The following CTNND2 variants were observed in gnomAD, a reference collection of about 807,000 sequenced individuals.
The protein encoded by CTNND2 is catenin delta 2.
A neutral mutation model predicts 144.4 loss-of-function variants in CTNND2; 22 were observed. The observed-to-expected ratio is 0.15, with a 90% confidence interval of 0.11 to 0.22. The LOEUF is 0.22. Ranked by LOEUF, CTNND2 falls within the 10% of genes least tolerant of loss-of-function variation. The probability of loss-of-function intolerance (pLI) is 1.00; values close to 1 mark genes in which losing one functional copy is unlikely to be tolerated. For synonymous variants in CTNND2, 751 were observed against 695.6 expected (o/e 1.08, Z -1.25); for missense variants, 1,353 against 1,618.8 (o/e 0.84, Z 2.82).
At chr5:11,213,402 T>C (rs1306150684) in intron 10 of CTNND2, among the ~76,000 whole-genome samples, 5 of 152,170 alleles carry the variant, frequency 3.3e-5, no homozygotes, top group Non-Finnish European at 7.3e-5. Flanking sequence ...GTCAACCTTA[T>C]TTTTTCACAT....
At chr5:11,240,575 AACAC>A (rs1435312799) in intron 9 of CTNND2, among the ~76,000 whole-genome samples, 1 of 117,806 alleles carries the variant, frequency 8.5e-6, no homozygotes, top group East Asian at 2.7e-4. Flanking sequence ...ACACACACCC[AACAC>A]ACACATACTC....
intron 1 of CTNND2, among the ~76,000 whole-genome samples, chr5:11,823,465 A>G (rs564573258): frequency 1.3e-5 from 2 of 152,302 alleles, no homozygotes; most frequent in East Asian, 3.9e-4. Flanking sequence ...TGTTACAAAA[A>G]CACACTGGTG....
At chr5:11,315,788 T>TTCCTTA (rs1450172523) in intron 9 of CTNND2, among the ~76,000 whole-genome samples, 3 of 152,206 alleles carry the variant, frequency 2.0e-5, no homozygotes, top group Non-Finnish European at 4.4e-5. Flanking sequence ...ATGGCTACAA[T>TTCCTTA]TCTTTATCTT....
chr5:11,877,903 T>C (rs1735681008), intron 1 of CTNND2, among the ~76,000 whole-genome samples: 2 of 152,176 alleles, frequency 1.3e-5, no homozygotes, highest in Admixed American at 1.3e-4. Context: ...CATTAAACTA[T>C]ATATAAATCC....
intron 1 of CTNND2, among the ~76,000 whole-genome samples, chr5:11,886,440 G>A (rs1192472987): frequency 3.3e-5 from 5 of 151,998 alleles, no homozygotes; most frequent in East Asian, 3.9e-4. Context: ...ATTGGAAAAC[G>A]TAAAAGAAAT....
At chr5:11,146,721 C>T (rs544147603) in intron 12 of CTNND2, among the ~76,000 whole-genome samples, 16 of 152,206 alleles carry the variant, frequency 1.1e-4, no homozygotes, top group African/African-American at 3.1e-4. Flanking sequence ...ATGAGCACAT[C>T]GTGAGGACAA....
At chr5:11,418,811 T>C (rs1421592490) in intron 3 of CTNND2, among the ~76,000 whole-genome samples, 2 of 152,144 alleles carry the variant, frequency 1.3e-5, no homozygotes, top group Admixed American at 1.3e-4. Context: ...ATGGAATAAA[T>C]ACTATTTGGC....
At chr5:11,867,702 T>A (rs919727316) in intron 1 of CTNND2, among the ~76,000 whole-genome samples, 3 of 152,088 alleles carry the variant, frequency 2.0e-5, no homozygotes, top group Non-Finnish European at 4.4e-5. Context: ...TCTCAACTAG[T>A]CAAAGACACT....
chr5:11,088,375 C>A (rs942715855), intron 15 of CTNND2, among the ~76,000 whole-genome samples: 1 of 152,194 alleles, frequency 6.6e-6, no homozygotes, highest in African/African-American at 2.4e-5. Context: ...GAGGTGCAGG[C>A]TCTGAGCCAC....
intron 3 of CTNND2, among the ~76,000 whole-genome samples, chr5:11,534,348 GCT>G (rs1343683525): frequency 6.6e-6 from 1 of 151,818 alleles, no homozygotes; most frequent in African/African-American, 2.4e-5. Context: ...GGTGACAGTG[GCT>G]CACACCTGTA....
intron 1 of CTNND2, among the ~76,000 whole-genome samples, chr5:11,828,009 CT>C (rs1793690024): frequency 6.6e-6 from 1 of 152,140 alleles, no homozygotes; most frequent in Non-Finnish European, 1.5e-5. Context: ...GCCAAGATGG[CT>C]GACTACATGC....
At chr5:10,996,284 G>C (rs981430392) in intron 18 of CTNND2, among the ~76,000 whole-genome samples, 3 of 152,186 alleles carry the variant, frequency 2.0e-5, no homozygotes, top group African/African-American at 4.8e-5. Context: ...ACGATATGGA[G>C]AGTGTATATT....
chr5:11,518,078 C>T (rs1434372102), intron 3 of CTNND2, among the ~76,000 whole-genome samples: 4 of 152,074 alleles, frequency 2.6e-5, no homozygotes, highest in East Asian at 1.9e-4. Context: ...TACAGTCACA[C>T]GACGTCACAT....
chr5:11,768,106 T>C (rs904542159), intron 1 of CTNND2, among the ~76,000 whole-genome samples: 1 of 152,156 alleles, frequency 6.6e-6, no homozygotes, highest in African/African-American at 2.4e-5. Context: ...GAAAAAGCTC[T>C]TACATGCATC....
At position 11,707,085 on chromosome 5, in the gene CTNND2, C is replaced by CA. The variant is rs372658494; in HGVS notation, c.174+25050dup. 4.1e-3 allele frequency among the ~76,000 whole-genome samples: 425 copies of CA among 103,020 alleles called. 3 individuals carry two copies. The highest frequency in any genetic ancestry group is 0.041 in the East Asian group (144 of 3,536). 67.6% of individuals were successfully genotyped at this position (103,020 alleles called of 152,430 possible). On this transcript the variant is annotated intron_variant, in intron 2 of 21. Transcript: ENST00000304623. Reference sequence around the variant, plus strand: ...TGGGAGACAGAGCAATACTCCATCTCAAAAAAAAAAAAAAAGAAAGTGAAA... The same window carrying CA: ...TGGGAGACAGAGCAATACTCCATCTCAAAAAAAAAAAAAAAAGAAAGTGAAA...
At chr5:11,091,389 A>G (rs1222807135) in intron 15 of CTNND2, among the ~76,000 whole-genome samples, 1 of 152,204 alleles carries the variant, frequency 6.6e-6, no homozygotes, top group Non-Finnish European at 1.5e-5. Context: ...TTTTGAACAC[A>G]TGGAATACTG....
At chr5:11,879,365 A>ATATATATATGTATATATATATATATG (rs1735849808) in intron 1 of CTNND2, among the ~76,000 whole-genome samples, 1 of 138,974 alleles carries the variant, frequency 7.2e-6, no homozygotes, top group Non-Finnish European at 1.6e-5. Flanking sequence ...ATACATATAC[A>ATATATATATGTATATATATATATATG]CACACACACA....
intron 15 of CTNND2, among the ~76,000 whole-genome samples, chr5:11,096,427 T>C (rs754862129): frequency 6.6e-6 from 1 of 152,212 alleles, no homozygotes; most frequent in African/African-American, 2.4e-5. Flanking sequence ...TGGTTTTCTG[T>C]TCCTGTTTTA....
intron 9 of CTNND2, among the ~76,000 whole-genome samples, chr5:11,267,513 A>G (rs993441796): frequency 3.9e-5 from 6 of 152,168 alleles, no homozygotes; most frequent in Admixed American, 3.9e-4. Context: ...AGATATTTTT[A>G]TTAACTTGAA....
Sources: allele counts gnomAD v4.1 joint callset (sites outside exome capture counted in the v4.1 genomes callset), GRCh38; gene constraint gnomAD v4.1.1; transcripts MANE v1.5; gene names NCBI Gene and HGNC (gene_info 2026-07-23, HGNC 2026-07-21).